Variants in SORCS3 observed in about 807,000 individuals in gnomAD.
SORCS3 encodes the protein sortilin related VPS10 domain containing receptor 3, also known as VPS10 domain-containing receptor SorCS3.
SORCS3 carries 57 observed loss-of-function variants against 146.3 expected under a neutral mutation model. That is an observed-to-expected ratio of 0.39 (90% confidence interval 0.31 to 0.49). The LOEUF (loss-of-function observed/expected upper bound fraction) is 0.49. Among genes scored for constraint, SORCS3 ranks in the 20% least tolerant of loss-of-function variants. SORCS3 has a pLI of 0.92. For missense variants in SORCS3, 1,341 were observed against 1,575.5 expected (o/e 0.85, Z 2.52); for synonymous variants, 653 against 618.5 (o/e 1.06, Z -0.83).
intron 1 of SORCS3, among the ~76,000 whole-genome samples, chr10:104,747,763 A>G (rs1192921883): frequency 6.6e-6 from 1 of 152,244 alleles, no homozygotes; most frequent in African/African-American, 2.4e-5. Flanking sequence ...AGGCATCAGT[A>G]GAAAATATGT....
chr10:104,837,489 T>G (rs2018084223), intron 1 of SORCS3, among the ~76,000 whole-genome samples: 1 of 152,182 alleles, frequency 6.6e-6, no homozygotes, highest in Non-Finnish European at 1.5e-5. Context: ...TCCAATTTAT[T>G]TTCATTTCTC....
intron 3 of SORCS3, among the ~76,000 whole-genome samples, chr10:104,951,138 T>G (rs2019424648): frequency 6.6e-6 from 1 of 152,188 alleles, no homozygotes; most frequent in Non-Finnish European, 1.5e-5. Context: ...TCTTACCATA[T>G]TTTCTATCTT....
chr10:104,837,601 A>G, intron 1 of SORCS3, among the ~76,000 whole-genome samples: 1 of 152,306 alleles, frequency 6.6e-6, no homozygotes, highest in East Asian at 1.9e-4. Flanking sequence ...CAATTTGCCT[A>G]GTTCTTTTCT....
rs2018946887 is a variant in SORCS3 at position 104,909,776 on chromosome 10, G to A, written c.696-6057G>A. ...GAGGCTGACTTGGCTGCATCGACTG[G>A]ATGTCTTTTCTGTTTTTTTTTTTTT... On this transcript the variant is annotated intron_variant, in intron 2 of 26. Transcript: ENST00000369701. Among the ~76,000 whole-genome samples, 4 of 146,882 alleles carry A rather than the reference G, an allele frequency of 2.7e-5. No individual in the cohort carries two copies. In the South Asian group the frequency reaches 8.5e-4, roughly 31 times the overall value.
chr10:104,750,552 G>C (rs1200014297), intron 1 of SORCS3, among the ~76,000 whole-genome samples: 4 of 152,142 alleles, frequency 2.6e-5, no homozygotes, highest in Non-Finnish European at 5.9e-5. Flanking sequence ...ACTTTTCTCA[G>C]GTTGGTGAAG....
intron 6 of SORCS3, 50 bp downstream of exon 6, chr10:105,089,889 C>G: frequency 6.9e-7 from 1 of 1,439,210 alleles, no homozygotes; most frequent in Non-Finnish European, 9.8e-7. Context: ...GCCTGCAGGT[C>G]TCTGTCCTCC....
intron 1 of SORCS3, among the ~76,000 whole-genome samples, chr10:104,712,626 T>A (rs2133439645): frequency 6.6e-6 from 1 of 152,286 alleles, no homozygotes; most frequent in South Asian, 2.1e-4. Context: ...AGGGCCAGTA[T>A]GTCTAGGGAA....
intron 3 of SORCS3, among the ~76,000 whole-genome samples, chr10:104,937,393 T>C (rs996974698): frequency 3.9e-5 from 6 of 152,142 alleles, no homozygotes; most frequent in Non-Finnish European, 7.3e-5. Context: ...TTCTAGAAAA[T>C]GTAGGTGTTA....
intron 1 of SORCS3, among the ~76,000 whole-genome samples, chr10:104,693,838 C>A (rs2016143008): frequency 6.6e-6 from 1 of 152,108 alleles, no homozygotes; most frequent in African/African-American, 2.4e-5. Context: ...TTGTTCTCTT[C>A]CCCCATGTGC....
chr10:104,668,554 T>C (rs991851046), intron 1 of SORCS3, among the ~76,000 whole-genome samples: 1 of 152,234 alleles, frequency 6.6e-6, no homozygotes, highest in Non-Finnish European at 1.5e-5. Flanking sequence ...TACTTCATAA[T>C]GTTGATATTC....
intron 7 of SORCS3, among the ~76,000 whole-genome samples, chr10:105,126,239 A>C (rs17118444): frequency 0.022 from 3,417 of 152,246 alleles, 108 homozygotes; most frequent in East Asian, 0.16. Context: ...CAAACAAACA[A>C]AAGTCTACAC....
chr10:105,135,948 A>G (rs2056056223), intron 7 of SORCS3, among the ~76,000 whole-genome samples: 1 of 152,212 alleles, frequency 6.6e-6, no homozygotes, highest in Admixed American at 6.5e-5. Flanking sequence ...TCTTCTGAAG[A>G]AGGGTCCTCA....
intron 5 of SORCS3, among the ~76,000 whole-genome samples, chr10:105,078,358 A>AGG (rs2055602020): frequency 6.6e-6 from 1 of 152,138 alleles, no homozygotes; most frequent in Non-Finnish European, 1.5e-5. Context: ...GCCTGTCTTT[A>AGG]AGAAGAATGA....
intron 7 of SORCS3, among the ~76,000 whole-genome samples, chr10:105,129,935 C>T (rs1282614940): frequency 6.6e-6 from 1 of 152,048 alleles, no homozygotes; most frequent in African/African-American, 2.4e-5. Context: ...ACATGGCTAC[C>T]CCAGCACCTC....
chr10:105,235,409 A>G (rs946115756), intron 20 of SORCS3, among the ~76,000 whole-genome samples: 4 of 150,022 alleles, frequency 2.7e-5, no homozygotes, highest in Middle Eastern at 3.5e-3. Context: ...CTTCCTATGA[A>G]TCCCCCTGGA....
At chr10:105,251,135 A>G (rs2056895399) in intron 22 of SORCS3, among the ~76,000 whole-genome samples, 1 of 152,220 alleles carries the variant, frequency 6.6e-6, no homozygotes, top group Non-Finnish European at 1.5e-5. Flanking sequence ...TATAAAGAAA[A>G]AAGGTTTAAC....
chr10:104,883,270 T>C (rs2018648643), intron 2 of SORCS3, among the ~76,000 whole-genome samples: 2 of 152,180 alleles, frequency 1.3e-5, no homozygotes. Flanking sequence ...TGAGAGTCTC[T>C]GAGGTCTTAA....
At chr10:104,726,960 G>T (rs1278338845) in intron 1 of SORCS3, among the ~76,000 whole-genome samples, 4 of 152,126 alleles carry the variant, frequency 2.6e-5, no homozygotes, top group African/African-American at 9.7e-5. Flanking sequence ...CTGTTTTTAG[G>T]GTACTGCTGA....
rs764765132 is a variant in SORCS3, at chr10:105,157,182, C to T, written c.1527C>T (p.Asp509=). ...TATTTCTGGCAAACAAGAAGGTGGA[C>T]GACCAGGTGAAGACATACATCACTT... The part of the protein sequence containing the change: ...KGIFLANKKV[D]DQVKTYITYN... The change falls in exon 10 of 27, where the codon GAC becomes GAT. Residue 509 remains aspartate (D), a synonymous_variant. Transcript: ENST00000369701. 17 of 1,613,858 alleles carry T rather than the reference C, an allele frequency of 1.1e-5. No individual in the cohort carries two copies. The East Asian group carries it at 1.6e-4, about 15-fold the overall frequency.
Sources: allele counts gnomAD v4.1 joint callset (sites outside exome capture counted in the v4.1 genomes callset), GRCh38; gene constraint gnomAD v4.1.1; transcripts MANE v1.5; gene names NCBI Gene and HGNC (gene_info 2026-07-23, HGNC 2026-07-21).